Variants in ZP3 observed in about 807,000 individuals in gnomAD.
ZP3 encodes the protein zona pellucida sperm-binding protein 3.
In ZP3, 21 loss-of-function variants were observed where a neutral mutation model predicts 35.6. The observed-to-expected ratio is 0.59, with a 90% CI of 0.42 to 0.85. The LOEUF (loss-of-function observed/expected upper bound fraction) is 0.85, where lower values mean the gene tolerates loss of function less well. ZP3 is among the 40% of genes least tolerant of loss of function. ZP3 has a pLI of 0.00. For synonymous variants in ZP3, 207 were observed against 214.5 expected (o/e 0.96, Z 0.31); for missense variants, 437 against 536.5 (o/e 0.81, Z 1.83).
chr7:76,412,558 A>G (rs1805274126), intron 1 of ZP3, among the ~76,000 whole-genome samples: 1 of 152,220 alleles, frequency 6.6e-6, no homozygotes, highest in Non-Finnish European at 1.5e-5. Context: ...TTTATGGAAG[A>G]TGTAAACATT....
chr7:76,424,020 C>T (rs1007006949), upstream of ZP3, among the ~76,000 whole-genome samples: 3 of 152,058 alleles, frequency 2.0e-5, no homozygotes, highest in African/African-American at 7.2e-5. Flanking sequence ...TGACCTACCC[C>T]CCGGCCTCCC....
intron 7 of ZP3, among the ~76,000 whole-genome samples, chr7:76,441,119 C>T (rs548968614): frequency 1.7e-4 from 26 of 150,678 alleles, no homozygotes; most frequent in African/African-American, 3.9e-4. Context: ...TGCAGTGAGC[C>T]GAGATTGCAC....
rs550677941 is a variant in ZP3 at position 76,403,487 on chromosome 7, G to A, written c.-67+5690G>A. Among the ~76,000 whole-genome samples the A allele has an allele frequency of 3.3e-3, 500 of 151,328 alleles. 2 individuals carry two copies. Among genetic ancestry groups the A allele is most frequent in the Non-Finnish European group, 5.7e-3 (387 of 67,820 alleles). On this transcript the variant is annotated intron_variant, in intron 1 of 8. Coordinates refer to the ZP3 transcript ENST00000336517. ...TGAGTAGCTGGGATTACAGGCGCCCGCCACCATGCCCAGCTATTTTTTGTA... is the reference window on the plus strand; with the variant it reads ...TGAGTAGCTGGGATTACAGGCGCCCACCACCATGCCCAGCTATTTTTTGTA...
intron 1 of ZP3, among the ~76,000 whole-genome samples, chr7:76,410,420 C>G (rs1805211828): frequency 6.7e-6 from 1 of 149,868 alleles, no homozygotes; most frequent in Non-Finnish European, 1.5e-5. Flanking sequence ...GGTGTGATCT[C>G]AGCTCACAGC....
At chr7:76,421,303 C>T (rs1013258497), upstream of ZP3, among the ~76,000 whole-genome samples, 2 of 151,980 alleles carry the variant, frequency 1.3e-5, no homozygotes, top group African/African-American at 4.8e-5. Flanking sequence ...ATGATCATGA[C>T]TCACTGAAGC....
intron 1 of ZP3, among the ~76,000 whole-genome samples, chr7:76,427,407 C>A (rs1251206188): frequency 5.3e-5 from 8 of 151,312 alleles, no homozygotes; most frequent in Admixed American, 3.3e-4. Context: ...ATCCCAGCTA[C>A]TCAGGAGTCT....
chr7:76,398,354 G>A (rs1190525498), intron 1 of ZP3, among the ~76,000 whole-genome samples: 1 of 145,200 alleles, frequency 6.9e-6, no homozygotes, highest in Non-Finnish European at 1.5e-5. Flanking sequence ...GTGTCCCCCA[G>A]GCTAGAGTAC....
upstream of ZP3, among the ~76,000 whole-genome samples, chr7:76,423,084 A>AAAG (rs199921755): frequency 5.1e-4 from 70 of 137,206 alleles, 1 homozygote; most frequent in Middle Eastern, 7.0e-3. Context: ...AGAAAGAAAG[A>AAAG]AAAGAAATTG....
At chr7:76,402,218 C>T (rs1804856185) in intron 1 of ZP3, among the ~76,000 whole-genome samples, 1 of 147,164 alleles carries the variant, frequency 6.8e-6, no homozygotes, top group Admixed American at 7.1e-5. Flanking sequence ...AGTCTTACTC[C>T]ATTCAGGCTG....
At chr7:76,399,779 C>T (rs1004322447) in intron 1 of ZP3, among the ~76,000 whole-genome samples, 2 of 152,152 alleles carry the variant, frequency 1.3e-5, no homozygotes, top group East Asian at 3.9e-4. Context: ...CCACCTTGGC[C>T]TCCCAAAGTG....
At chr7:76,426,907 C>CACACACACAA (rs57796274) in intron 1 of ZP3, among the ~76,000 whole-genome samples, 32,660 of 126,530 alleles carry the variant, frequency 0.26, 4,683 homozygotes, top group East Asian at 0.39. Flanking sequence ...CACACACACA[C>CACACACACAA]AATAGGGTGT....
intron 5 of ZP3, among the ~76,000 whole-genome samples, chr7:76,435,886 G>C (rs965335682): frequency 6.6e-6 from 1 of 151,914 alleles, no homozygotes; most frequent in African/African-American, 2.4e-5. Context: ...CACCATGCCC[G>C]GCTAATCCTT....
chr7:76,439,675 CAG>C (rs1417464080), intron 5 of ZP3, among the ~76,000 whole-genome samples: 31 of 152,190 alleles, frequency 2.0e-4, no homozygotes, highest in Non-Finnish European at 3.8e-4. Context: ...CACTGTACTC[CAG>C]CCTGGGTGAC....
chr7:76,421,561 A>C (rs1396972282), upstream of ZP3, among the ~76,000 whole-genome samples: 1 of 151,444 alleles, frequency 6.6e-6, no homozygotes, highest in Admixed American at 6.6e-5. Context: ...GCAGATTTTT[A>C]ATTTTTTAAA....
intron 1 of ZP3, among the ~76,000 whole-genome samples, chr7:76,403,377 A>T (rs544712291): frequency 7.0e-6 from 1 of 143,846 alleles, no homozygotes; most frequent in East Asian, 2.1e-4. Context: ...TCGCCCTGTC[A>T]CTCAGGCTGG....
rs900638055 is a variant in ZP3, at chr7:76,416,781, A to T, written c.-66-8271A>T. Among the ~76,000 whole-genome samples the T allele has an allele frequency of 3.3e-5, 5 of 151,460 alleles. No individual in the cohort carries two copies. The South Asian group carries it at 1.0e-3, about 32-fold the overall frequency. On this transcript the variant is annotated intron_variant, in intron 1 of 8. Transcript: ENST00000336517. ...GCCATTGCACTCCAGCCTGGGAAACAGAGCAGGATGCTGTCTCTCTCTCTC... is the reference window on the plus strand; with the variant it reads ...GCCATTGCACTCCAGCCTGGGAAACTGAGCAGGATGCTGTCTCTCTCTCTC...
At chr7:76,428,441 T>C (rs1805735183) in intron 1 of ZP3, among the ~76,000 whole-genome samples, 1 of 152,224 alleles carries the variant, frequency 6.6e-6, no homozygotes, top group Non-Finnish European at 1.5e-5. Flanking sequence ...ACCTTCACTC[T>C]ACTGGGGTAG....
intron 1 of ZP3, among the ~76,000 whole-genome samples, chr7:76,411,102 T>C (rs1024449281): frequency 2.0e-5 from 3 of 150,606 alleles, no homozygotes; most frequent in Non-Finnish European, 3.0e-5. Context: ...CCTTCCTCCC[T>C]CCCTCCTCCC....
chr7:76,433,176 GAC>G (rs1805886766), intron 3 of ZP3, 146 bp downstream of exon 3: 5 of 171,266 alleles, frequency 2.9e-5, no homozygotes, highest in Admixed American at 1.2e-4. Context: ...TGGTTTTTGA[GAC>G]AGTCTTGATC....
Sources: allele counts gnomAD v4.1 joint callset (sites outside exome capture counted in the v4.1 genomes callset), GRCh38; gene constraint gnomAD v4.1.1; transcripts MANE v1.5; gene names NCBI Gene and HGNC (gene_info 2026-07-23, HGNC 2026-07-21).